Variants in DAPK1 observed in about 807,000 individuals in gnomAD.
DAPK1 encodes death associated protein kinase 1.
A neutral mutation model predicts 144.9 loss-of-function variants in DAPK1; 56 were observed. The observed-to-expected ratio is 0.39, with a 90% confidence interval of 0.31 to 0.48. DAPK1 has a LOEUF of 0.48. Among genes scored for constraint, DAPK1 ranks in the 20% least tolerant of loss-of-function variants. DAPK1 has a pLI of 0.95. For synonymous variants in DAPK1, 690 were observed against 749.0 expected, an observed-to-expected ratio of 0.92 and a Z score of 1.29; for missense variants, 1,454 against 1,875.4, an observed-to-expected ratio of 0.78 and a Z score of 4.15.
intron 18 of DAPK1, among the ~76,000 whole-genome samples, chr9:87,663,272 A>G (rs1235531817): frequency 2.0e-5 from 3 of 152,312 alleles, no homozygotes; most frequent in Middle Eastern, 3.4e-3. Flanking sequence ...AAAAGAAAGC[A>G]TAGATAGAAA....
At chr9:87,675,297 C>T (rs1304551816) in intron 19 of DAPK1, among the ~76,000 whole-genome samples, 2 of 151,892 alleles carry the variant, frequency 1.3e-5, no homozygotes, top group Non-Finnish European at 2.9e-5. Flanking sequence ...TTTCACCTGG[C>T]TGATGAGGAC....
At chr9:87,513,483 C>T (rs1386775789) in intron 2 of DAPK1, among the ~76,000 whole-genome samples, 1 of 152,210 alleles carries the variant, frequency 6.6e-6, no homozygotes, top group Non-Finnish European at 1.5e-5. Flanking sequence ...GTATGTATGT[C>T]TCTACCCTTG....
intron 17 of DAPK1, among the ~76,000 whole-genome samples, chr9:87,656,892 A>G (rs1388758641): frequency 1.3e-5 from 2 of 152,222 alleles, no homozygotes; most frequent in African/African-American, 4.8e-5. Context: ...CAAAAATGTT[A>G]AACAGGGACA....
At chr9:87,647,505 A>G in intron 14 of DAPK1, 102 bp downstream of exon 14, 1 of 966,152 alleles carries the variant, frequency 1.0e-6, no homozygotes, top group Non-Finnish European at 1.7e-6. Flanking sequence ...AAGGAAAGGA[A>G]TCAGGACCAG....
Position 87,686,525 on chromosome 9 carries a change from C to A in DAPK1, c.2225-26C>A. 1.4e-6 allele frequency: 2 copies of A among 1,395,478 alleles called. No homozygotes were observed. Among genetic ancestry groups the A allele is most frequent in the Non-Finnish European group, 2.0e-6 (2 of 1,005,446 alleles). 86.4% of individuals were successfully genotyped at this position (1,395,478 alleles called of 1,614,324 possible). ...AGGCACACGCTGCCCCCATCGAGTA[C>A]TCATGTGATCCTTTCCATCCTGCAG... On this transcript the variant is annotated intron_variant, in intron 20 of 25. Coordinates refer to ENST00000408954, the MANE Select transcript of DAPK1 (RefSeq NM_004938.4). This position sits in a 1 kb window ranked among gnomAD's most constrained non-coding sequence, Gnocchi z 4.2.
chr9:87,661,773 C>G (rs1202978262), intron 18 of DAPK1, among the ~76,000 whole-genome samples: 1 of 152,134 alleles, frequency 6.6e-6, no homozygotes. Flanking sequence ...TCTCATTCTG[C>G]AAGTTGTCTG....
intron 2 of DAPK1, among the ~76,000 whole-genome samples, chr9:87,522,619 C>T (rs871496): frequency 0.6 from 90,957 of 151,744 alleles, 27,622 homozygotes; most frequent in Middle Eastern, 0.71. Context: ...TGCTGATGTA[C>T]AAAATGTTGA....
intron 2 of DAPK1, among the ~76,000 whole-genome samples, chr9:87,583,945 CTT>C (rs2118842982): frequency 6.6e-6 from 1 of 152,314 alleles, no homozygotes; most frequent in Non-Finnish European, 1.5e-5. Context: ...GAGGACCACA[CTT>C]TTAAAATCAG....
At chr9:87,563,696 GA>G in intron 2 of DAPK1, among the ~76,000 whole-genome samples, 2 of 152,216 alleles carry the variant, frequency 1.3e-5, no homozygotes, top group African/African-American at 4.8e-5. Flanking sequence ...ATGTTCAGGT[GA>G]GGCTGTCAGC....
At chr9:87,660,308 A>T (rs965092993) in intron 18 of DAPK1, among the ~76,000 whole-genome samples, 2 of 151,908 alleles carry the variant, frequency 1.3e-5, no homozygotes, top group African/African-American at 4.8e-5. Flanking sequence ...GACCCTCCAG[A>T]CTGGAGGGCA....
intron 2 of DAPK1, among the ~76,000 whole-genome samples, chr9:87,550,998 A>T (rs1203980290): frequency 6.6e-6 from 1 of 152,174 alleles, no homozygotes; most frequent in Non-Finnish European, 1.5e-5. Flanking sequence ...TGGTCCTCTG[A>T]AGGCAGAAGG....
intron 2 of DAPK1, among the ~76,000 whole-genome samples, chr9:87,527,076 T>C (rs1025631072): frequency 6.6e-6 from 1 of 152,206 alleles, no homozygotes; most frequent in African/African-American, 2.4e-5. Flanking sequence ...ACATTGTTAA[T>C]TGTGATTATT....
rs1830274881 is a variant in DAPK1 at position 87,646,606 on chromosome 9, A to G, written c.1230+47A>G. On this transcript the variant is annotated intron_variant, in intron 13 of 25. Transcript: ENST00000408954. ...TGAATTGAATTTTAAAGTATTTTCA[A>G]GTGTCTCTTAATCATAGGGGTAACA... The G allele has an allele frequency of 6.0e-6, 9 of 1,491,732 alleles. No individual in the cohort carries two copies. The East Asian group carries it at 1.8e-4, about 30-fold the overall frequency. 92.4% of individuals were successfully genotyped at this position (1,491,732 alleles called of 1,614,324 possible). A position where few individuals can be genotyped will look rare whatever the true frequency, so the allele number is the denominator to read the frequency against.
rs189840673 is a variant in DAPK1, at chr9:87,648,391, T to A, written c.1330-390T>A. ...GGCAATGAAATGAGAAGCTTATTAA[T>A]AAATAAAATTGTTCATTTAAGTAAC... On this transcript the variant is annotated intron_variant, in intron 14 of 25. Transcript: ENST00000408954. Among the ~76,000 whole-genome samples the A allele has an allele frequency of 3.0e-4, 45 of 152,368 alleles. No homozygotes were observed. In the East Asian group the frequency reaches 3.7e-3, roughly 12 times the overall value.
chr9:87,555,895 C>T (rs183084217), intron 2 of DAPK1, among the ~76,000 whole-genome samples: 3 of 152,294 alleles, frequency 2.0e-5, no homozygotes, highest in South Asian at 2.1e-4. Context: ...AGGCGAGTTC[C>T]ATATCAATAT....
At chr9:87,588,922 C>G (rs1165884098) in intron 2 of DAPK1, among the ~76,000 whole-genome samples, 2 of 152,002 alleles carry the variant, frequency 1.3e-5, no homozygotes, top group African/African-American at 2.4e-5. Context: ...GAATTTTGCT[C>G]TTGTTGCCCA....
At chr9:87,640,522 C>A in intron 8 of DAPK1, 72 bp downstream of exon 8, 1 of 1,496,788 alleles carries the variant, frequency 6.7e-7, no homozygotes, top group Non-Finnish European at 9.1e-7. Flanking sequence ...CTGTTCCATG[C>A]ACAGGGCCAC....
intron 20 of DAPK1, among the ~76,000 whole-genome samples, chr9:87,684,458 A>G (rs1468942321): frequency 1.3e-5 from 2 of 152,198 alleles, no homozygotes; most frequent in Non-Finnish European, 2.9e-5. Context: ...ATCAGACAGC[A>G]AGAAGTTTGC....
intron 2 of DAPK1, among the ~76,000 whole-genome samples, chr9:87,543,330 T>A (rs1403367820): frequency 6.6e-6 from 1 of 152,228 alleles, no homozygotes; most frequent in African/African-American, 2.4e-5. Context: ...TGGGCCTATG[T>A]CTGAGTTTCA....
Sources: allele counts gnomAD v4.1 joint callset (sites outside exome capture counted in the v4.1 genomes callset), GRCh38; gene constraint gnomAD v4.1.1; non-coding constraint Gnocchi (gnomAD v3.1); transcripts MANE v1.5; gene names NCBI Gene and HGNC (gene_info 2026-07-23, HGNC 2026-07-21).